ARL6: variants seen among roughly 807,000 people sequenced by gnomAD.
ARL6 encodes ARF like GTPase 6.
In ARL6, 18 loss-of-function variants were observed where a neutral mutation model predicts 27.1. The ratio of observed to expected loss-of-function variants is 0.66; its 90% confidence interval spans 0.46 to 0.98. The LOEUF (loss-of-function observed/expected upper bound fraction) is 0.98. Ranked by LOEUF, ARL6 falls within the 50% of genes least tolerant of loss-of-function variation. The probability of loss-of-function intolerance (pLI) is 0.00; values close to 1 mark genes in which losing one functional copy is unlikely to be tolerated. For missense variants in ARL6, 187 were observed against 214.9 expected (o/e 0.87, Z 0.81); for synonymous variants, 65 against 72.3 (o/e 0.90, Z 0.51).
rs1226879336 is a variant in ARL6, at chr3:97,790,668, C to G, written c.480-1103C>G. On this transcript the variant is annotated intron_variant, in intron 6 of 7. Coordinates refer to ENST00000463745, the MANE Select transcript of ARL6 (RefSeq NM_001278293.3). ...TTCGGTTACTGATCTCTTACTCTTACCATGGATAATAAGTAATTTGCTTTG... is the reference window on the plus strand; with the variant it reads ...TTCGGTTACTGATCTCTTACTCTTAGCATGGATAATAAGTAATTTGCTTTG... Among the ~76,000 whole-genome samples the G allele has an allele frequency of 5.3e-5, 8 of 151,954 alleles. 1 individual carries two copies. In the East Asian group the frequency reaches 1.5e-3, roughly 29 times the overall value.
intron 2 of ARL6, among the ~76,000 whole-genome samples, chr3:97,774,887 A>G (rs767818496): frequency 1.4e-4 from 21 of 152,176 alleles, no homozygotes; most frequent in Non-Finnish European, 2.4e-4. Context: ...TACTTTGTCC[A>G]GTGAACTTAA....
intron 6 of ARL6, among the ~76,000 whole-genome samples, 195 bp downstream of exon 6, chr3:97,788,314 T>G (rs1434295033): frequency 6.6e-6 from 1 of 152,166 alleles, no homozygotes; most frequent in Non-Finnish European, 1.5e-5. Flanking sequence ...TTCAAATTTT[T>G]GGGGGGATAG....
At chr3:97,791,259 C>T (rs2037721079) in intron 6 of ARL6, 1 of 156,268 alleles carries the variant, frequency 6.4e-6, no homozygotes, top group African/African-American at 2.4e-5. Flanking sequence ...AGTCAAGCTC[C>T]CTCAGCTAAT....
rs547284663 is a variant in ARL6, at chr3:97,780,139, C to G, written c.124-20C>G. 14 of 1,603,632 alleles carry G rather than the reference C, an allele frequency of 8.7e-6. No individual in the cohort carries two copies. Among genetic ancestry groups the G allele is most frequent in the African/African-American group, 1.3e-5 (1 of 74,806 alleles). ...TCTCTGGTAATTGTAAATTTCTGAA[C>G]TTTGTCTTTTCTCTTAAAGGCTCAA... On this transcript the variant is annotated intron_variant, in intron 2 of 7. Transcript: ENST00000463745.
rs149760014 is a variant in ARL6 at position 97,782,294 on chromosome 3, A to C, written c.254+1611A>C. On this transcript the variant is annotated intron_variant, in intron 4 of 7. Coordinates refer to ENST00000463745, the MANE Select transcript of ARL6 (RefSeq NM_001278293.3). ...TAAAAATACTTTAATTTTAATTACA[A>C]AAATATATATAGAGAGAAAATAGTA... Among the ~76,000 whole-genome samples, 126 of 152,066 alleles carry C rather than the reference A, an allele frequency of 8.3e-4. No homozygotes were observed. The East Asian group carries it at 0.024, about 29-fold the overall frequency.
In ARL6 at chr3:97,768,077, G is replaced by A. The variant is rs1176757145; in HGVS notation, c.-27-4G>A. 1.2e-6 allele frequency: 2 copies of A among 1,610,418 alleles called. No individual in the cohort carries two copies. The highest frequency in any genetic ancestry group is 3.3e-5 in the Admixed American group (2 of 59,862). ...GGTAATATTTTATTTTTTCTTAATT[G>A]CAGCTGGTTTGTAAATATTTGAATC... On this transcript the variant is annotated splice_region_variant and splice_polypyrimidine_tract_variant and intron_variant, in intron 1 of 7. Transcript: ENST00000463745.
At position 97,780,702 on chromosome 3, in the gene ARL6, G is replaced by A. The variant is rs1255017295; in HGVS notation, c.254+19G>A. On this transcript the variant is annotated intron_variant, in intron 4 of 7. Coordinates refer to ENST00000463745, the MANE Select transcript of ARL6 (RefSeq NM_001278293.3). ...ATTATAAGTAAGTACATCTGTGAAT[G>A]TTGCTTAACTAGATGGTTTTTACTA... 2 of 1,572,786 alleles carry A rather than the reference G, an allele frequency of 1.3e-6. No homozygotes were observed. Among genetic ancestry groups the A allele is most frequent in the South Asian group, 1.1e-5 (1 of 90,162 alleles).
chr3:97,778,009 C>T (rs1426226210), intron 2 of ARL6, among the ~76,000 whole-genome samples: 1 of 152,152 alleles, frequency 6.6e-6, no homozygotes, highest in African/African-American at 2.4e-5. Context: ...TCAGTGAAGA[C>T]AGGGTTGCTA....
At chr3:97,770,768 A>G (rs2036601490) in intron 2 of ARL6, among the ~76,000 whole-genome samples, 1 of 152,030 alleles carries the variant, frequency 6.6e-6, no homozygotes, top group Non-Finnish European at 1.5e-5. Context: ...TTCCAGCATC[A>G]TAAGACTATC....
intron 5 of ARL6, 148 bp from the exon 6 acceptor site, chr3:97,787,842 G>A: frequency 1.3e-6 from 1 of 778,288 alleles, no homozygotes. Context: ...GCCTAACAGT[G>A]TGACAGTATG....
At chr3:97,785,174 A>G (rs2037391287) in intron 5 of ARL6, 125 bp downstream of exon 5, 3 of 678,312 alleles carry the variant, frequency 4.4e-6, no homozygotes, top group East Asian at 2.8e-5. Flanking sequence ...TTTAAAACAT[A>G]TATGTTATAC....
At chr3:97,779,588 C>T (rs1403649211) in intron 2 of ARL6, among the ~76,000 whole-genome samples, 3 of 152,104 alleles carry the variant, frequency 2.0e-5, no homozygotes, top group African/African-American at 7.2e-5. Context: ...GAAAGTATGC[C>T]AGGCACGGTG....
intron 1 of ARL6, among the ~76,000 whole-genome samples, chr3:97,765,604 T>C (rs576603677): frequency 6.6e-6 from 1 of 152,306 alleles, no homozygotes; most frequent in South Asian, 2.1e-4. Context: ...TTAAAAGCTG[T>C]GCTTGGAAGT....
At chr3:97,771,749 TG>T (rs1197585700) in intron 2 of ARL6, among the ~76,000 whole-genome samples, 1 of 152,184 alleles carries the variant, frequency 6.6e-6, no homozygotes, top group Non-Finnish European at 1.5e-5. Context: ...CATAAAGAGA[TG>T]TTGAATTTTA....
At chr3:97,765,543 C>T (rs546514574) in intron 1 of ARL6, among the ~76,000 whole-genome samples, 4 of 152,098 alleles carry the variant, frequency 2.6e-5, no homozygotes, top group African/African-American at 9.6e-5. Context: ...GAGAGGGTTA[C>T]AGTAAGATAA....
intron 1 of ARL6, among the ~76,000 whole-genome samples, chr3:97,765,337 C>T (rs1368730019): frequency 1.3e-5 from 2 of 151,870 alleles, no homozygotes; most frequent in East Asian, 3.9e-4. Flanking sequence ...ACATTTCAAT[C>T]AACAAACACT....
At chr3:97,765,576 G>T (rs1373252549) in intron 1 of ARL6, among the ~76,000 whole-genome samples, 4 of 152,208 alleles carry the variant, frequency 2.6e-5, no homozygotes, top group African/African-American at 9.7e-5. Context: ...GAAGATTGGA[G>T]CCAGATTGTG....
In ARL6 at chr3:97,768,082, T is replaced by A. The variant is rs1397302321; in HGVS notation, c.-26T>A. The A allele has an allele frequency of 6.2e-7, 1 of 1,612,004 alleles. No homozygotes were observed. The highest frequency in any genetic ancestry group is 8.5e-7 in the Non-Finnish European group (1 of 1,178,544). On this transcript the variant is annotated splice_region_variant and 5_prime_UTR_variant, in exon 2 of 8. Coordinates refer to ENST00000463745, the MANE Select transcript of ARL6 (RefSeq NM_001278293.3). ...TATTTTATTTTTTCTTAATTGCAGC[T>A]GGTTTGTAAATATTTGAATCACATT... is the stretch of plus-strand genomic sequence containing the variant.
intron 2 of ARL6, among the ~76,000 whole-genome samples, chr3:97,776,259 G>C (rs1396893494): frequency 6.6e-6 from 1 of 152,094 alleles, no homozygotes; most frequent in Non-Finnish European, 1.5e-5. Flanking sequence ...AGTTAATCTT[G>C]CTGTTTGTTG....
Sources: allele counts gnomAD v4.1 joint callset (sites outside exome capture counted in the v4.1 genomes callset), GRCh38; gene constraint gnomAD v4.1.1; transcripts MANE v1.5; gene names NCBI Gene and HGNC (gene_info 2026-07-23, HGNC 2026-07-21).